Variants in SLC17A5 observed in about 807,000 individuals in gnomAD.
The protein encoded by SLC17A5 is solute carrier family 17 member 5, also known as sialin.
A neutral mutation model predicts 59.4 loss-of-function variants in SLC17A5; 47 were observed. The observed-to-expected ratio is 0.79, with a 90% CI of 0.63 to 1.01. SLC17A5 has a LOEUF of 1.01. Among genes scored for constraint, SLC17A5 ranks in the 50% least tolerant of loss-of-function variants. SLC17A5 has a pLI of 0.00. For synonymous variants in SLC17A5, 202 were observed against 210.7 expected (o/e 0.96, Z 0.36); for missense variants, 522 against 595.5 (o/e 0.88, Z 1.28).
At chr6:73,629,838 A>C (rs1336154691) in intron 6 of SLC17A5, among the ~76,000 whole-genome samples, 4 of 152,154 alleles carry the variant, frequency 2.6e-5, no homozygotes, top group Non-Finnish European at 5.9e-5. Flanking sequence ...TATATAGGAA[A>C]GAACACTTCA....
intron 9 of SLC17A5, among the ~76,000 whole-genome samples, chr6:73,601,356 C>A (rs1468656336): frequency 2.0e-5 from 3 of 147,186 alleles, no homozygotes; most frequent in Admixed American, 6.7e-5. Context: ...GCAGCCACCC[C>A]GTCTGGGAAG....
At chr6:73,601,576 G>A (rs1767102680) in intron 9 of SLC17A5, among the ~76,000 whole-genome samples, 1 of 89,762 alleles carries the variant, frequency 1.1e-5, no homozygotes, top group African/African-American at 5.7e-5. Flanking sequence ...CTGCCCGGCC[G>A]CCCCTACTGG....
chr6:73,632,254 G>A lies in SLC17A5; in HGVS notation c.819+3128C>T, dbSNP rs973980476. ...GTTGAGGCTGCACTGAGCTGTGATG[G>A]TGCCACTGTACTCCAGCCTGGGCAC... On this transcript the variant is annotated intron_variant, in intron 6 of 10. Transcript: ENST00000355773. 2.8e-5 allele frequency among the ~76,000 whole-genome samples: 4 copies of A among 141,982 alleles called. No homozygotes were observed. The South Asian group carries it at 8.7e-4, about 31-fold the overall frequency. 93.1% of individuals were successfully genotyped at this position (141,982 alleles called of 152,430 possible). A position where few individuals can be genotyped will look rare whatever the true frequency, so the allele number is the denominator to read the frequency against.
intron 9 of SLC17A5, among the ~76,000 whole-genome samples, chr6:73,603,193 G>A (rs150292393): frequency 6.6e-6 from 1 of 151,718 alleles, no homozygotes; most frequent in South Asian, 2.1e-4. Context: ...GTACAGTGGC[G>A]CGATCTCAGC....
At chr6:73,601,980 G>A (rs1344755262) in intron 9 of SLC17A5, among the ~76,000 whole-genome samples, 18 of 152,236 alleles carry the variant, frequency 1.2e-4, no homozygotes, top group Admixed American at 4.6e-4. Context: ...GACAATGGCG[G>A]TTTTGTGGAA....
In SLC17A5 at chr6:73,638,461, A is replaced by G; in HGVS notation, c.564T>C (p.Ser188=). 1 of 1,614,110 alleles carries G rather than the reference A, an allele frequency of 6.2e-7. No individual in the cohort carries two copies. Among genetic ancestry groups the G allele is most frequent in the Non-Finnish European group, 8.5e-7 (1 of 1,179,958 alleles). The change falls in exon 4 of 11, where the codon TCT becomes TCC. Residue 188 remains serine (S), a synonymous_variant. Coordinates refer to ENST00000355773, the MANE Select transcript of SLC17A5 (RefSeq NM_012434.5). Reference sequence around the variant, plus strand: ...TGCTTCTTTCAAGAGGGGGAGCCCAAGAAGACCACATGGCATGCATGGCTG... The same window carrying G: ...TGCTTCTTTCAAGAGGGGGAGCCCAGGAAGACCACATGGCATGCATGGCTG... ...TFPAMHAMWS[S]WAPPLERSKL...
intron 6 of SLC17A5, among the ~76,000 whole-genome samples, 174 bp from the exon 7 acceptor site, chr6:73,622,136 TTTAG>T (rs1438480128): frequency 6.6e-6 from 1 of 152,192 alleles, no homozygotes; most frequent in Admixed American, 6.5e-5. Flanking sequence ...ATGATAAATA[TTTAG>T]TTGTTTGATT....
At chr6:73,650,461 T>C (rs1288099073) in intron 1 of SLC17A5, among the ~76,000 whole-genome samples, 14 of 123,652 alleles carry the variant, frequency 1.1e-4, no homozygotes, top group Admixed American at 9.2e-4. Flanking sequence ...TGAGCCGAGA[T>C]AGCGCGACTG....
chr6:73,623,545 G>T (rs1768252970), intron 6 of SLC17A5, among the ~76,000 whole-genome samples: 1 of 151,946 alleles, frequency 6.6e-6, no homozygotes, highest in Non-Finnish European at 1.5e-5. Flanking sequence ...TGTTGGCCAG[G>T]CTGGTTTCGA....
chr6:73,610,311 G>T, intron 9 of SLC17A5, 89 bp downstream of exon 9: 1 of 1,482,046 alleles, frequency 6.7e-7, no homozygotes. Flanking sequence ...TGGGATTACA[G>T]GTGTGAGTCA....
intron 1 of SLC17A5, 64 bp from the exon 2 acceptor site, chr6:73,644,667 T>C (rs1769455098): frequency 6.9e-7 from 1 of 1,457,950 alleles, no homozygotes; most frequent in Non-Finnish European, 9.4e-7. Context: ...AGACAGGGTT[T>C]TGCCATGTTG....
At chr6:73,615,471 G>T (rs1423812626) in intron 7 of SLC17A5, 24 bp from the exon 8 acceptor site, 1 of 1,612,780 alleles carries the variant, frequency 6.2e-7, no homozygotes, top group South Asian at 1.1e-5. Context: ...GAAGATACAG[G>T]ATTAATTACG....
chr6:73,614,969 C>T (rs1205037027), intron 8 of SLC17A5, among the ~76,000 whole-genome samples: 2 of 152,094 alleles, frequency 1.3e-5, no homozygotes, highest in Non-Finnish European at 2.9e-5. Flanking sequence ...GATTTATAGC[C>T]GGTCAGTCAG....
intron 1 of SLC17A5, 197 bp downstream of exon 1, chr6:73,653,595 TC>T (rs1769974602): frequency 3.1e-6 from 2 of 643,268 alleles, no homozygotes; most frequent in Admixed American, 1.3e-4. Context: ...CCCCCGGGGT[TC>T]CCGAGGGGCT....
chr6:73,636,475 A>T, intron 5 of SLC17A5, 146 bp downstream of exon 5: 1 of 608,332 alleles, frequency 1.6e-6, no homozygotes, highest in Non-Finnish European at 3.0e-6. Flanking sequence ...CAAGTAAATC[A>T]TACCAACTTG....
Position 73,636,728 on chromosome 6 carries a change from A to G in SLC17A5, c.614-21T>C, listed in dbSNP as rs377109100. The G allele has an allele frequency of 4.3e-5, 66 of 1,541,796 alleles. No homozygotes were observed. The highest frequency in any genetic ancestry group is 3.1e-4 in the African/African-American group (23 of 73,562). ...TGCTCCTAGAACAACACATAAGACTATTTTATAAACTTTGGAGAGAGAAAC... is the reference window on the plus strand; with the variant it reads ...TGCTCCTAGAACAACACATAAGACTGTTTTATAAACTTTGGAGAGAGAAAC... On this transcript the variant is annotated intron_variant, in intron 4 of 10. Coordinates refer to ENST00000355773, the MANE Select transcript of SLC17A5 (RefSeq NM_012434.5).
chr6:73,648,774 A>T (rs982429104), intron 1 of SLC17A5, among the ~76,000 whole-genome samples: 9 of 152,126 alleles, frequency 5.9e-5, no homozygotes, highest in African/African-American at 2.2e-4. Flanking sequence ...GGCCTCTTGG[A>T]GAAGTCTCTT....
intron 7 of SLC17A5, among the ~76,000 whole-genome samples, chr6:73,617,725 A>G (rs1354509375): frequency 6.6e-6 from 1 of 152,194 alleles, no homozygotes; most frequent in Non-Finnish European, 1.5e-5. Context: ...CTGTAATCCC[A>G]GCTACTAGGG....
chr6:73,648,720 G>C (rs932015135), intron 1 of SLC17A5, among the ~76,000 whole-genome samples: 9 of 152,108 alleles, frequency 5.9e-5, no homozygotes, highest in Non-Finnish European at 1.3e-4. Context: ...GAACAAAAGA[G>C]GCACATTAAT....
Sources: gnomAD v4.1 joint callset for allele counts (sites outside exome capture counted in the v4.1 genomes callset) on GRCh38, gnomAD v4.1.1 for gene constraint, MANE v1.5 for transcripts, NCBI Gene and HGNC (gene_info 2026-07-23, HGNC 2026-07-21) for gene names.